Variants in TMEM132D observed in about 807,000 individuals in gnomAD.
TMEM132D encodes the protein transmembrane protein 132D.
In TMEM132D, 21 loss-of-function variants were observed where a neutral mutation model predicts 62.3. The observed-to-expected ratio is 0.34, with a 90% CI of 0.24 to 0.49. The LOEUF (loss-of-function observed/expected upper bound fraction) is 0.49. TMEM132D is among the 20% of genes least tolerant of loss of function. The pLI is 0.99. For synonymous variants in TMEM132D, 621 were observed against 575.6 expected (o/e 1.08, Z -1.13); for missense variants, 1,346 against 1,402.8 (o/e 0.96, Z 0.65).
chr12:129,498,256 T>A lies in TMEM132D; in HGVS notation c.1115+32803A>T, dbSNP rs548412599. On this transcript the variant is annotated intron_variant, in intron 3 of 8. Coordinates refer to ENST00000422113, the MANE Select transcript of TMEM132D (RefSeq NM_133448.3). ...GATGTATCTGTCCAAAATCTTTTAT[T>A]TGTTTGTTTGTTTTTGAGATGGAGT... Among the ~76,000 whole-genome samples the A allele has an allele frequency of 3.0e-3, 459 of 152,032 alleles. 1 individual carries two copies. The highest frequency in any genetic ancestry group is 0.017 in the Middle Eastern group (5 of 292).
intron 3 of TMEM132D, among the ~76,000 whole-genome samples, chr12:129,344,666 G>A (rs1010524351): frequency 5.9e-5 from 9 of 152,108 alleles, no homozygotes; most frequent in Non-Finnish European, 4.4e-5. Flanking sequence ...GTTTGGCACC[G>A]CAGGCTCTGC....
rs1036621067 is a variant in TMEM132D at position 129,562,917 on chromosome 12, T to C, written c.969-31712A>G. Among the ~76,000 whole-genome samples the C allele has an allele frequency of 1.4e-4, 22 of 152,360 alleles. No individual in the cohort carries two copies. The East Asian group carries it at 3.5e-3, about 24-fold the overall frequency. On this transcript the variant is annotated intron_variant, in intron 2 of 8. Coordinates refer to ENST00000422113, the MANE Select transcript of TMEM132D (RefSeq NM_133448.3). The stretch of plus-strand genomic sequence containing the variant: ...TTGACCAAATCAGATAAGCATCCCC[T>C]GTACTCCAGTAGAACTCTGTAGATA...
intron 4 of TMEM132D, among the ~76,000 whole-genome samples, chr12:129,274,609 G>A (rs942916718): frequency 1.3e-5 from 2 of 152,166 alleles, no homozygotes; most frequent in Non-Finnish European, 1.5e-5. Context: ...TTATTTGGCC[G>A]GGTGCAGTGG....
At chr12:129,563,237 G>A (rs577863860) in intron 2 of TMEM132D, among the ~76,000 whole-genome samples, 19 of 152,232 alleles carry the variant, frequency 1.2e-4, no homozygotes, top group South Asian at 2.1e-4. Flanking sequence ...ATATTATTCC[G>A]TCTTCTCTTG....
intron 8 of TMEM132D, among the ~76,000 whole-genome samples, chr12:129,077,860 GACAC>G (rs551863375): frequency 2.7e-5 from 4 of 149,160 alleles, no homozygotes; most frequent in Non-Finnish European, 4.5e-5. Flanking sequence ...ACTGACACAA[GACAC>G]ACACATGCAT....
chr12:129,246,496 C>T lies in TMEM132D; in HGVS notation c.1300-36833G>A, dbSNP rs560803457. Among the ~76,000 whole-genome samples, 340 of 152,274 alleles carry T rather than the reference C, an allele frequency of 2.2e-3. 5 individuals are homozygous for T. The highest frequency in any genetic ancestry group is 5.1e-4 in the Non-Finnish European group (35 of 68,012). ...GGGGGCTGGACACAGTGGCTCACACCTGTAATCCCAACACTTTGGGAGGCC... is the reference window on the plus strand; with the variant it reads ...GGGGGCTGGACACAGTGGCTCACACTTGTAATCCCAACACTTTGGGAGGCC... On this transcript the variant is annotated intron_variant, in intron 4 of 8. Coordinates refer to ENST00000422113, the MANE Select transcript of TMEM132D (RefSeq NM_133448.3).
chr12:129,533,516 T>G (rs1876288558), intron 2 of TMEM132D, among the ~76,000 whole-genome samples: 2 of 152,246 alleles, frequency 1.3e-5, no homozygotes, highest in South Asian at 4.1e-4. Flanking sequence ...GTGACAACCT[T>G]TTCATTATAC....
intron 1 of TMEM132D, among the ~76,000 whole-genome samples, chr12:129,753,297 G>T (rs996646934): frequency 6.6e-6 from 1 of 152,170 alleles, no homozygotes; most frequent in Non-Finnish European, 1.5e-5. Context: ...TGTACAAAGG[G>T]TTGCAATATT....
intron 1 of TMEM132D, among the ~76,000 whole-genome samples, chr12:129,849,494 G>A: frequency 6.6e-6 from 1 of 152,144 alleles, no homozygotes; most frequent in East Asian, 1.9e-4. Flanking sequence ...AATTGAATTT[G>A]AATCTACTCG....
intron 4 of TMEM132D, among the ~76,000 whole-genome samples, chr12:129,318,225 G>A (rs896413054): frequency 2.6e-5 from 4 of 152,148 alleles, no homozygotes; most frequent in Non-Finnish European, 4.4e-5. Flanking sequence ...GCCTTGTTTT[G>A]TCATATTACC....
At chr12:129,349,214 C>G (rs1008128473) in intron 3 of TMEM132D, among the ~76,000 whole-genome samples, 1 of 152,142 alleles carries the variant, frequency 6.6e-6, no homozygotes, top group Non-Finnish European at 1.5e-5. Flanking sequence ...GGCTTTGTTG[C>G]TAGATGCTCC....
chr12:129,353,487 C>G (rs73422284), intron 3 of TMEM132D, among the ~76,000 whole-genome samples: 2,531 of 152,196 alleles, frequency 0.017, 79 homozygotes, highest in African/African-American at 0.058. Flanking sequence ...TGCCAGCCCC[C>G]CTCTTCTCCT....
At chr12:129,484,307 G>A (rs565841678) in intron 3 of TMEM132D, among the ~76,000 whole-genome samples, 14 of 152,258 alleles carry the variant, frequency 9.2e-5, no homozygotes, top group African/African-American at 3.4e-4. Context: ...TTGGGCACTT[G>A]CTTTGTTGCA....
intron 2 of TMEM132D, among the ~76,000 whole-genome samples, chr12:129,589,778 T>G (rs891045273): frequency 1.8e-4 from 27 of 152,190 alleles, no homozygotes; most frequent in African/African-American, 6.5e-4. Flanking sequence ...CAGCTCAACA[T>G]AAAAACATTT....
At chr12:129,349,491 T>C (rs373351812) in intron 3 of TMEM132D, among the ~76,000 whole-genome samples, 9 of 152,220 alleles carry the variant, frequency 5.9e-5, no homozygotes, top group Admixed American at 4.6e-4. Flanking sequence ...ACTCTACTCA[T>C]TGGGGAAGAG....
chr12:129,710,830 T>G (rs1881623217), intron 1 of TMEM132D, among the ~76,000 whole-genome samples: 1 of 152,170 alleles, frequency 6.6e-6, no homozygotes, highest in Non-Finnish European at 1.5e-5. Context: ...CCTCTCAATG[T>G]CAGTGTGTTC....
intron 4 of TMEM132D, among the ~76,000 whole-genome samples, chr12:129,216,136 G>T (rs557896780): frequency 6.6e-6 from 1 of 152,128 alleles, no homozygotes; most frequent in Non-Finnish European, 1.5e-5. Flanking sequence ...TTAACTCTTC[G>T]TGCCTAATTC....
intron 1 of TMEM132D, among the ~76,000 whole-genome samples, chr12:129,819,353 T>C (rs1466287832): frequency 2.0e-5 from 3 of 152,150 alleles, no homozygotes; most frequent in Non-Finnish European, 4.4e-5. Context: ...TTTATAATAA[T>C]TGAATAAATA....
chr12:129,075,253 G>A (rs1312211289), intron 8 of TMEM132D, among the ~76,000 whole-genome samples, 194 bp from the exon 9 acceptor site: 1 of 148,724 alleles, frequency 6.7e-6, no homozygotes, highest in Non-Finnish European at 1.5e-5. Flanking sequence ...ATGCAAAAAA[G>A]CAAAATAAAA....
Sources: allele counts gnomAD v4.1 joint callset (sites outside exome capture counted in the v4.1 genomes callset), GRCh38; gene constraint gnomAD v4.1.1; transcripts MANE v1.5; gene names NCBI Gene and HGNC (gene_info 2026-07-23, HGNC 2026-07-21).